Variants in SMS observed in about 807,000 individuals in gnomAD.
The protein encoded by SMS is spermine synthase.
A neutral mutation model predicts 33.0 loss-of-function variants in SMS; 3 were observed. That is an observed-to-expected ratio of 0.09 (90% CI 0.04 to 0.23). The LOEUF (loss-of-function observed/expected upper bound fraction) is 0.23, where lower values mean the gene tolerates loss of function less well. SMS is among the 10% of genes least tolerant of loss of function. SMS has a pLI of 1.00. For synonymous variants in SMS, 103 were observed against 112.2 expected (o/e 0.92, Z 0.52); for missense variants, 117 against 288.6 (o/e 0.41, Z 4.31).
At chrX:21,956,659 G>A (rs1031181200) in intron 1 of SMS, among the ~76,000 whole-genome samples, 36 of 110,701 alleles carry the variant, frequency 3.3e-4, no homozygotes, top group Non-Finnish European at 5.7e-4. Flanking sequence ...TAGTAGAGAC[G>A]GGGTTTCATC....
rs1260210326 is a variant in SMS at position 21,980,429 on chromosome X, A to AAAAATATAT, written c.750+1464_750+1465insAAATATATA. ...GAGACTGTCTCCAAAAAAAAAAAAA[A>AAAAATATAT]ATATATATATATATATATATATATT... On this transcript the variant is annotated intron_variant, in intron 7 of 10. Coordinates refer to ENST00000404933, the MANE Select transcript of SMS (RefSeq NM_004595.5). Among the ~76,000 whole-genome samples the AAAAATATAT allele has an allele frequency of 5.9e-3, 372 of 63,015 alleles. 6 individuals carry two copies. Among genetic ancestry groups the AAAAATATAT allele is most frequent in the Non-Finnish European group, 0.01 (327 of 32,539 alleles). The allele number at this position is 63,015 out of a possible 115,157, so 54.7% of individuals were successfully genotyped here.
chrX:21,960,186 A>C (rs1232954954), intron 1 of SMS, among the ~76,000 whole-genome samples: 1 of 110,751 alleles, frequency 9.0e-6, no homozygotes, highest in Admixed American at 9.7e-5. Context: ...ACTTGGCATG[A>C]TGCGATGATG....
chrX:21,946,369 A>G (rs753906382), intron 1 of SMS, among the ~76,000 whole-genome samples: 3 of 112,782 alleles, frequency 2.7e-5, no homozygotes, highest in Non-Finnish European at 5.6e-5. Flanking sequence ...TTGAAAACAT[A>G]AAAGTTGTAC....
chrX:21,969,604 A>G (rs1923980772), intron 2 of SMS, among the ~76,000 whole-genome samples: 1 of 111,685 alleles, frequency 9.0e-6, no homozygotes, highest in Non-Finnish European at 1.9e-5. Flanking sequence ...GAAAAGTTGC[A>G]CTTCTTATCT....
intron 1 of SMS, among the ~76,000 whole-genome samples, chrX:21,965,469 G>A (rs754926504): frequency 9.3e-5 from 10 of 107,975 alleles, no homozygotes; most frequent in Non-Finnish European, 1.3e-4. Context: ...AAACCCCATC[G>A]CTACCAAAAA....
chrX:21,955,298 T>C (rs1357056222), intron 1 of SMS, among the ~76,000 whole-genome samples: 1 of 112,400 alleles, frequency 8.9e-6, no homozygotes, highest in African/African-American at 3.2e-5. Flanking sequence ...GTTTCTACTT[T>C]GGCAAAGAAA....
At chrX:21,948,970 A>G (rs930391598) in intron 1 of SMS, among the ~76,000 whole-genome samples, 2 of 111,582 alleles carry the variant, frequency 1.8e-5, no homozygotes, top group Non-Finnish European at 3.8e-5. Context: ...GCTCTTTAAA[A>G]CCCTTACAGC....
chrX:21,959,845 G>A (rs759268300), intron 1 of SMS: 4 of 617,094 alleles, frequency 6.5e-6, no homozygotes, highest in Admixed American at 8.8e-5. Flanking sequence ...TTCCCCTTGC[G>A]GGGGAGTTGC....
intron 1 of SMS, among the ~76,000 whole-genome samples, chrX:21,963,587 A>T (rs767018411): frequency 5.4e-3 from 600 of 111,916 alleles, no homozygotes; most frequent in Non-Finnish European, 8.6e-3. Flanking sequence ...TAATTGTGCC[A>T]GTTAGAAAAA....
chrX:21,984,739 A>T (rs1925209102), intron 8 of SMS, among the ~76,000 whole-genome samples: 1 of 112,193 alleles, frequency 8.9e-6, no homozygotes, highest in Non-Finnish European at 1.9e-5. Flanking sequence ...CTAAGCAACG[A>T]CATAGATAAT....
chrX:21,949,486 T>C (rs941970536), intron 1 of SMS, among the ~76,000 whole-genome samples: 2 of 112,157 alleles, frequency 1.8e-5, no homozygotes, highest in African/African-American at 6.5e-5. Context: ...TGGGTTGCCC[T>C]GTGTTTTGAA....
At chrX:21,982,963 T>G (rs945479928) in intron 7 of SMS, among the ~76,000 whole-genome samples, 24 of 112,318 alleles carry the variant, frequency 2.1e-4, no homozygotes, top group African/African-American at 7.1e-4. Flanking sequence ...TTCTTAAAAT[T>G]ATAACTGTGA....
chrX:21,973,178 C>T (rs887658065), intron 4 of SMS, among the ~76,000 whole-genome samples: 1 of 112,085 alleles, frequency 8.9e-6, no homozygotes, highest in Non-Finnish European at 1.9e-5. Context: ...AAAGTGGAGA[C>T]CCAGGTAGAG....
In SMS at chrX:21,946,194, GC is replaced by G. The variant is rs1267957285; in HGVS notation, c.49+5325del. 7.8e-4 allele frequency among the ~76,000 whole-genome samples: 87 copies of G among 112,167 alleles called. 5 individuals carry two copies. The highest frequency in any genetic ancestry group is 5.6e-5 in the Non-Finnish European group (3 of 53,225). ...CAGGCCCCCTGAATTGTATCCATTG[GC>G]CCCTTGGGCATCCATGGACCCCAGG... On this transcript the variant is annotated intron_variant, in intron 1 of 10. Coordinates refer to ENST00000404933, the MANE Select transcript of SMS (RefSeq NM_004595.5).
intron 2 of SMS, among the ~76,000 whole-genome samples, chrX:21,971,444 T>C (rs1924152029): frequency 9.0e-6 from 1 of 111,698 alleles, no homozygotes; most frequent in South Asian, 3.7e-4. Context: ...GCCTGGATTT[T>C]CCAGAGTGCC....
At chrX:21,979,130 A>C (rs1463518666) in intron 7 of SMS, among the ~76,000 whole-genome samples, 164 bp downstream of exon 7, 1 of 111,514 alleles carries the variant, frequency 9.0e-6, no homozygotes, top group East Asian at 2.8e-4. Flanking sequence ...TAGGGTGCAC[A>C]CGTACCAATG....
intron 9 of SMS, among the ~76,000 whole-genome samples, chrX:21,990,137 T>C (rs1003423569): frequency 1.8e-5 from 2 of 111,896 alleles, no homozygotes; most frequent in African/African-American, 6.5e-5. Context: ...TGACTTACAA[T>C]AAAAAGCTTT....
At chrX:21,960,698 G>T (rs767463481) in intron 1 of SMS, among the ~76,000 whole-genome samples, 14 of 111,637 alleles carry the variant, frequency 1.3e-4, no homozygotes, top group Admixed American at 1.0e-3. Flanking sequence ...GCCTCATTTT[G>T]CAGAGGACAA....
In SMS at chrX:21,952,417, G is replaced by T. The variant is rs200648661; in HGVS notation, c.49+11544G>T. ...TTATGGTGGATCACGTTGTTTGTTT[G>T]TTTGTTTTTTTTTTTTTTTGAATGT... On this transcript the variant is annotated intron_variant, in intron 1 of 10. Transcript: ENST00000404933. 4.0e-3 allele frequency among the ~76,000 whole-genome samples: 286 copies of T among 71,848 alleles called. 9 individuals are homozygous for T. The highest frequency in any genetic ancestry group is 6.7e-3 in the Middle Eastern group (1 of 150). 62.4% of individuals were successfully genotyped at this position (71,848 alleles called of 115,157 possible). A position where few individuals can be genotyped will look rare whatever the true frequency, so the allele number is the denominator to read the frequency against.
Sources: allele counts gnomAD v4.1 joint callset (sites outside exome capture counted in the v4.1 genomes callset), GRCh38; gene constraint gnomAD v4.1.1; transcripts MANE v1.5; gene names NCBI Gene and HGNC (gene_info 2026-07-23, HGNC 2026-07-21).